IL1RAPL2: variants seen among roughly 807,000 people sequenced by gnomAD.
IL1RAPL2 encodes the protein X-linked interleukin-1 receptor accessory protein-like 2.
Under a neutral mutation model 44.1 loss-of-function variants are expected in IL1RAPL2, and 3 were observed. That is an observed-to-expected ratio of 0.07 (90% CI 0.03 to 0.18). The LOEUF (loss-of-function observed/expected upper bound fraction) is 0.18, where lower values mean the gene tolerates loss of function less well. Ranked by LOEUF, IL1RAPL2 falls within the 10% of genes least tolerant of loss-of-function variation. The pLI is 1.00. For synonymous variants in IL1RAPL2, 181 were observed against 178.8 expected, an observed-to-expected ratio of 1.01 and a Z score of -0.10; for missense variants, 391 against 496.4, an observed-to-expected ratio of 0.79 and a Z score of 2.02.
At chrX:105,117,156 C>T (rs1265997266) in intron 2 of IL1RAPL2, among the ~76,000 whole-genome samples, 3 of 112,048 alleles carry the variant, frequency 2.7e-5, no homozygotes, top group Non-Finnish European at 5.6e-5. Flanking sequence ...TAAAAAAGAA[C>T]ATAGCACTTC....
At chrX:105,038,294 A>G (rs957337168) in intron 2 of IL1RAPL2, among the ~76,000 whole-genome samples, 1 of 111,975 alleles carries the variant, frequency 8.9e-6, no homozygotes, top group Non-Finnish European at 1.9e-5. Context: ...TCTCAGTAGC[A>G]TCTGATCCTG....
intron 2 of IL1RAPL2, among the ~76,000 whole-genome samples, chrX:105,084,560 C>A (rs1372406320): frequency 8.9e-6 from 1 of 112,505 alleles, no homozygotes; most frequent in South Asian, 3.7e-4. Context: ...AGAACAGGAG[C>A]ATTTACCCAA....
At chrX:104,772,519 C>T (rs932576804) in intron 2 of IL1RAPL2, among the ~76,000 whole-genome samples, 4 of 111,787 alleles carry the variant, frequency 3.6e-5, no homozygotes, top group Admixed American at 9.5e-5. Context: ...ATAAAGCTAT[C>T]GGTTATTTGG....
At chrX:105,611,580 T>C (rs1380830235) in intron 6 of IL1RAPL2, among the ~76,000 whole-genome samples, 1 of 112,243 alleles carries the variant, frequency 8.9e-6, no homozygotes, top group African/African-American at 3.2e-5. Context: ...AGTAATATGC[T>C]GTATAGGTTT....
At chrX:105,080,020 T>C (rs1220325923) in intron 2 of IL1RAPL2, among the ~76,000 whole-genome samples, 2 of 112,430 alleles carry the variant, frequency 1.8e-5, no homozygotes, top group Non-Finnish European at 3.8e-5. Context: ...TCTGTTCATA[T>C]CCTTCACCTG....
At chrX:105,058,763 A>T (rs2032032927) in intron 2 of IL1RAPL2, among the ~76,000 whole-genome samples, 1 of 112,186 alleles carries the variant, frequency 8.9e-6, no homozygotes, top group South Asian at 3.7e-4. Flanking sequence ...AACATGGAGA[A>T]GGTATGCACA....
chrX:105,541,246 C>A (rs1488452324), intron 6 of IL1RAPL2, among the ~76,000 whole-genome samples: 2 of 110,443 alleles, frequency 1.8e-5, no homozygotes, highest in Non-Finnish European at 3.8e-5. Flanking sequence ...TCCCACAAAG[C>A]GTAAGTGGAT....
At chrX:105,408,682 C>CAAATATAAA (rs1406541639) in intron 5 of IL1RAPL2, among the ~76,000 whole-genome samples, 1 of 110,644 alleles carries the variant, frequency 9.0e-6, no homozygotes, top group African/African-American at 3.3e-5. Context: ...CAATATATGC[C>CAAATATAAA]TAAATTATAT....
At chrX:105,064,317 GCCA>G (rs2032111049) in intron 2 of IL1RAPL2, among the ~76,000 whole-genome samples, 1 of 112,238 alleles carries the variant, frequency 8.9e-6, no homozygotes, top group Non-Finnish European at 1.9e-5. Flanking sequence ...CTCACCCATG[GCCA>G]CCAATACCAC....
chrX:105,157,154 T>C (rs1022650969), intron 2 of IL1RAPL2, among the ~76,000 whole-genome samples: 24 of 105,977 alleles, frequency 2.3e-4, no homozygotes, highest in African/African-American at 6.9e-4. Context: ...AAAAAGCATA[T>C]GCCATGAAAA....
At chrX:105,192,042 T>C (rs1477112495) in intron 2 of IL1RAPL2, among the ~76,000 whole-genome samples, 1 of 112,068 alleles carries the variant, frequency 8.9e-6, no homozygotes, top group African/African-American at 3.2e-5. Context: ...ATTGCAGGCT[T>C]GTGCAGATGA....
chrX:105,523,001 T>C (rs1338818727), intron 6 of IL1RAPL2, among the ~76,000 whole-genome samples: 1 of 111,401 alleles, frequency 9.0e-6, no homozygotes, highest in East Asian at 2.8e-4. Context: ...GGACTTAGAA[T>C]CTGATTCTTT....
chrX:105,689,277 G>A, intron 6 of IL1RAPL2, among the ~76,000 whole-genome samples: 1 of 111,723 alleles, frequency 9.0e-6, no homozygotes, highest in East Asian at 2.8e-4. Flanking sequence ...CCATCAGAGT[G>A]AACAGGCAAC....
chrX:104,940,701 CTT>C (rs753423561), intron 2 of IL1RAPL2, among the ~76,000 whole-genome samples: 75 of 101,530 alleles, frequency 7.4e-4, no homozygotes, highest in African/African-American at 2.5e-3. Context: ...ATTCTCACTT[CTT>C]TTTTTTTTTA....
At chrX:105,631,491 A>C (rs1295025906) in intron 6 of IL1RAPL2, among the ~76,000 whole-genome samples, 2 of 112,513 alleles carry the variant, frequency 1.8e-5, no homozygotes, top group African/African-American at 6.5e-5. Context: ...CTTTTCTCAG[A>C]ACACAACCCA....
intron 5 of IL1RAPL2, chrX:105,406,024 C>T (rs1177590506): frequency 1.7e-6 from 2 of 1,206,491 alleles, no homozygotes; most frequent in Non-Finnish European, 2.2e-6. Context: ...GACTGGCTGA[C>T]ATTAAATGTT....
chrX:104,736,620 C>G (rs1406392010), intron 2 of IL1RAPL2, among the ~76,000 whole-genome samples: 7 of 112,279 alleles, frequency 6.2e-5, no homozygotes, highest in Non-Finnish European at 1.3e-4. Flanking sequence ...AAGAACACAA[C>G]ACTACCAAAA....
At chrX:104,859,508 C>T (rs778044146) in intron 2 of IL1RAPL2, among the ~76,000 whole-genome samples, 1 of 111,536 alleles carries the variant, frequency 9.0e-6, no homozygotes, top group Admixed American at 9.6e-5. Flanking sequence ...TATAATGAGA[C>T]TTACCTGACA....
intron 2 of IL1RAPL2, among the ~76,000 whole-genome samples, chrX:104,910,271 C>G (rs751438699): frequency 8.4e-4 from 94 of 112,024 alleles, no homozygotes; most frequent in Admixed American, 2.9e-3. Flanking sequence ...TCTTGTGAGA[C>G]GAACCCGGTG....
Sources: gnomAD v4.1 joint callset for allele counts (sites outside exome capture counted in the v4.1 genomes callset) on GRCh38, gnomAD v4.1.1 for gene constraint, MANE v1.5 for transcripts, NCBI Gene and HGNC (gene_info 2026-07-23, HGNC 2026-07-21) for gene names.